The following TACR3 variants were observed in gnomAD, a reference collection of about 807,000 sequenced individuals.
TACR3 encodes the protein tachykinin receptor 3.
Under a neutral mutation model 35.0 loss-of-function variants are expected in TACR3, and 34 were observed. The ratio of observed to expected loss-of-function variants is 0.97; its 90% CI spans 0.74 to 1.30. TACR3 has a LOEUF of 1.30. Ranked by LOEUF, TACR3 falls within the 50% of genes most tolerant of loss-of-function variation. The pLI is 0.00. For missense variants in TACR3, 558 were observed against 591.7 expected, an observed-to-expected ratio of 0.94 and a Z score of 0.59; for synonymous variants, 233 against 221.1, an observed-to-expected ratio of 1.05 and a Z score of -0.48.
At chr4:103,625,588 G>A (rs1269388160) in intron 3 of TACR3, among the ~76,000 whole-genome samples, 1 of 150,428 alleles carries the variant, frequency 6.6e-6, no homozygotes, top group Non-Finnish European at 1.5e-5. Flanking sequence ...AGGGGGTGGG[G>A]GGTTGTAATT....
intron 3 of TACR3, among the ~76,000 whole-genome samples, chr4:103,635,785 A>C (rs372970639): frequency 1.5e-5 from 2 of 133,544 alleles, no homozygotes; most frequent in East Asian, 4.1e-4. Flanking sequence ...GGTAGCTCTT[A>C]TTATTTTATG....
Position 103,653,573 on chromosome 4 carries a change from C to T in TACR3, c.888+2621G>A, listed in dbSNP as rs943704045. Among the ~76,000 whole-genome samples the T allele has an allele frequency of 3.8e-4, 58 of 151,966 alleles. 1 individual carries two copies. Among genetic ancestry groups the T allele is most frequent in the South Asian group, 2.3e-3 (11 of 4,812 alleles). Reference sequence around the variant, plus strand: ...AAGATGGATTAAAGACTTACATGTTCGACTTAAAACCATAAAAACCCTAGA... The same window carrying T: ...AAGATGGATTAAAGACTTACATGTTTGACTTAAAACCATAAAAACCCTAGA... On this transcript the variant is annotated intron_variant, in intron 3 of 4. Coordinates refer to ENST00000304883, the MANE Select transcript of TACR3 (RefSeq NM_001059.3).
intron 1 of TACR3, among the ~76,000 whole-genome samples, chr4:103,678,279 C>G (rs1726215824): frequency 6.6e-6 from 1 of 152,038 alleles, no homozygotes; most frequent in Non-Finnish European, 1.5e-5. Flanking sequence ...TAAATAGTAG[C>G]TTGTGGCAGT....
intron 3 of TACR3, 50 bp downstream of exon 3, chr4:103,656,144 T>C: frequency 6.2e-7 from 1 of 1,608,082 alleles, no homozygotes; most frequent in South Asian, 1.1e-5. Context: ...CTTTTCTTTC[T>C]GATATACCAT....
intron 1 of TACR3, among the ~76,000 whole-genome samples, chr4:103,696,411 GAAAT>G (rs1041051792): frequency 5.3e-5 from 8 of 152,012 alleles, no homozygotes; most frequent in African/African-American, 1.9e-4. Flanking sequence ...GAAACAATGA[GAAAT>G]AAAACATTTT....
At chr4:103,635,071 T>C (rs1355019716) in intron 3 of TACR3, among the ~76,000 whole-genome samples, 1 of 152,038 alleles carries the variant, frequency 6.6e-6, no homozygotes, top group Non-Finnish European at 1.5e-5. Context: ...GTGCTGGGTC[T>C]GCGCATACAA....
chr4:103,641,670 G>T (rs1725358616), intron 3 of TACR3, among the ~76,000 whole-genome samples: 1 of 151,918 alleles, frequency 6.6e-6, no homozygotes, highest in Admixed American at 6.6e-5. Context: ...AAAGATATCT[G>T]CAATTCCCAG....
In TACR3 at chr4:103,589,023, A is replaced by G. The variant is rs1428491942; in HGVS notation, c.*659T>C. On this transcript the variant is annotated 3_prime_UTR_variant, in exon 5 of 5. Transcript: ENST00000304883. ...ATTTTTTAAAATTTCACTTTCTCAG[A>G]AAAAAAATCAAGAGAATGAAATATA... The G allele has an allele frequency of 2.0e-5, 3 of 151,972 alleles. No individual in the cohort carries two copies. Among genetic ancestry groups the G allele is most frequent in the Non-Finnish European group, 4.4e-5 (3 of 67,970 alleles). 9.4% of individuals were successfully genotyped at this position (151,972 alleles called of 1,614,324 possible).
At chr4:103,677,930 A>G (rs1021081740) in intron 1 of TACR3, among the ~76,000 whole-genome samples, 6 of 146,240 alleles carry the variant, frequency 4.1e-5, no homozygotes, top group Admixed American at 6.8e-5. Context: ...TGGCATAGAA[A>G]GAAAAAAAAA....
intron 3 of TACR3, among the ~76,000 whole-genome samples, chr4:103,615,792 A>C (rs1387737444): frequency 6.6e-6 from 1 of 152,228 alleles, no homozygotes; most frequent in Non-Finnish European, 1.5e-5. Flanking sequence ...CTTAACTGTA[A>C]TATATAGAGC....
At chr4:103,646,989 G>C (rs28630683) in intron 3 of TACR3, among the ~76,000 whole-genome samples, 7,128 of 151,892 alleles carry the variant, frequency 0.047, 573 homozygotes, top group African/African-American at 0.16. Flanking sequence ...TATGAAATCT[G>C]TTAGCCCCTC....
At chr4:103,593,355 T>G (rs74851560) in intron 3 of TACR3, 1 of 152,114 alleles carries the variant, frequency 6.6e-6, no homozygotes, top group African/African-American at 2.4e-5. Flanking sequence ...TGAGGACCAA[T>G]TCCTCATCCT....
intron 1 of TACR3, among the ~76,000 whole-genome samples, chr4:103,692,710 A>T (rs1578259979): frequency 6.6e-6 from 1 of 152,324 alleles, no homozygotes; most frequent in Non-Finnish European, 1.5e-5. Flanking sequence ...CCACATCCAG[A>T]TAGCAAATAA....
chr4:103,605,814 A>G (rs1724343045), intron 3 of TACR3, among the ~76,000 whole-genome samples: 1 of 151,828 alleles, frequency 6.6e-6, no homozygotes, highest in African/African-American at 2.4e-5. Context: ...GCTGTGCAGA[A>G]GCTCTTTAGT....
At chr4:103,639,824 A>T (rs1045754698) in intron 3 of TACR3, among the ~76,000 whole-genome samples, 1 of 151,954 alleles carries the variant, frequency 6.6e-6, no homozygotes, top group Admixed American at 6.6e-5. Flanking sequence ...TGAAAATAAC[A>T]GTGATGTCTT....
intron 1 of TACR3, among the ~76,000 whole-genome samples, chr4:103,705,022 CT>C: frequency 6.6e-6 from 1 of 151,886 alleles, no homozygotes; most frequent in Non-Finnish European, 1.5e-5. Flanking sequence ...AGATCATTTT[CT>C]TTTCTTGGGA....
intron 1 of TACR3, among the ~76,000 whole-genome samples, chr4:103,674,905 C>A (rs375980189): frequency 1.3e-5 from 2 of 152,046 alleles, no homozygotes; most frequent in African/African-American, 4.8e-5. Flanking sequence ...TTTTTCTTAA[C>A]CAATTATGGA....
chr4:103,621,061 A>G (rs779635680), intron 3 of TACR3, among the ~76,000 whole-genome samples: 43 of 152,210 alleles, frequency 2.8e-4, no homozygotes, highest in Non-Finnish European at 4.9e-4. Flanking sequence ...ACAAAAGAAC[A>G]TTACTTATAT....
chr4:103,606,704 G>A (rs1284779312), intron 3 of TACR3, among the ~76,000 whole-genome samples: 1 of 152,018 alleles, frequency 6.6e-6, no homozygotes, highest in Non-Finnish European at 1.5e-5. Context: ...TTGCTTATCA[G>A]CTTAAGGAGA....
Sources: allele counts gnomAD v4.1 joint callset (sites outside exome capture counted in the v4.1 genomes callset), GRCh38; gene constraint gnomAD v4.1.1; transcripts MANE v1.5; gene names NCBI Gene and HGNC (gene_info 2026-07-23, HGNC 2026-07-21).